The following CPS1 variants were observed in gnomAD, a reference collection of about 807,000 sequenced individuals.
CPS1 encodes carbamoyl-phosphate synthase 1.
Under a neutral mutation model 174.6 loss-of-function variants are expected in CPS1, and 109 were observed. That is an observed-to-expected ratio of 0.62 (90% CI 0.53 to 0.73). The LOEUF is 0.73. CPS1 is among the 30% of genes least tolerant of loss of function. The pLI is 0.00. For synonymous variants in CPS1, 637 were observed against 632.0 expected, an observed-to-expected ratio of 1.01 and a Z score of -0.12; for missense variants, 1,689 against 1,821.9, an observed-to-expected ratio of 0.93 and a Z score of 1.33.
intron 28 of CPS1, among the ~76,000 whole-genome samples, chr2:210,651,579 T>C (rs1700560537): frequency 1.3e-5 from 2 of 152,222 alleles, no homozygotes; most frequent in Non-Finnish European, 2.9e-5. Flanking sequence ...ATGTGAGTGA[T>C]GAGGCAGGTG....
chr2:210,602,358 A>G, intron 16 of CPS1, 28 bp downstream of exon 16: 1 of 1,612,002 alleles, frequency 6.2e-7, no homozygotes, highest in Non-Finnish European at 8.5e-7. Flanking sequence ...CAATATTCTT[A>G]CCAACCAAAA....
chr2:210,529,891 A>G (rs911337916), intron 1 of CPS1, among the ~76,000 whole-genome samples: 12 of 152,014 alleles, frequency 7.9e-5, no homozygotes, highest in Admixed American at 4.6e-4. Context: ...ATATACCCAC[A>G]ATATAATGCT....
chr2:210,549,647 A>G (rs778906991), intron 1 of CPS1, among the ~76,000 whole-genome samples: 1 of 152,068 alleles, frequency 6.6e-6, no homozygotes, highest in African/African-American at 2.4e-5. Flanking sequence ...ACTCAAGAAT[A>G]ATGAGATGAT....
rs142266681 is a variant in CPS1, at chr2:210,674,804, T to C, written c.4102-98T>C. On this transcript the variant is annotated intron_variant, in intron 34 of 37. Transcript: ENST00000233072. ...TTTTAATATAAAGCATCCGGCAACA[T>C]GTAACATTGTCTTTTAAGATGTTGT... 157 of 989,460 alleles carry C rather than the reference T, an allele frequency of 1.6e-4. No homozygotes were observed. In the East Asian group the frequency reaches 2.2e-3, roughly 14 times the overall value. 61.3% of individuals were successfully genotyped at this position (989,460 alleles called of 1,614,324 possible).
At chr2:210,558,154 G>C (rs1242557644) in intron 1 of CPS1, among the ~76,000 whole-genome samples, 1 of 151,996 alleles carries the variant, frequency 6.6e-6, no homozygotes, top group African/African-American at 2.4e-5. Context: ...ATTCTAACAA[G>C]AGTATAGGAA....
intron 1 of CPS1, among the ~76,000 whole-genome samples, chr2:210,526,042 T>C (rs1695964016): frequency 6.6e-6 from 1 of 151,686 alleles, no homozygotes; most frequent in Non-Finnish European, 1.5e-5. Context: ...GGACAAAGTG[T>C]GGTGGGTAAA....
intron 19 of CPS1, 106 bp downstream of exon 19, chr2:210,608,665 A>T: frequency 9.4e-7 from 1 of 1,062,250 alleles, no homozygotes; most frequent in East Asian, 2.4e-5. Flanking sequence ...CAACACATGG[A>T]CAGTGTTAAA....
chr2:210,640,106 A>G (rs1223312224), intron 24 of CPS1, 47 bp downstream of exon 24: 1 of 1,144,980 alleles, frequency 8.7e-7, no homozygotes, highest in South Asian at 1.3e-5. Context: ...CAATTTATAT[A>G]GTTTTCTTCA....
At chr2:210,612,860 C>T (rs931857698) in intron 20 of CPS1, among the ~76,000 whole-genome samples, 29 of 151,922 alleles carry the variant, frequency 1.9e-4, no homozygotes, top group Non-Finnish European at 3.4e-4. Flanking sequence ...CTACATTTCT[C>T]ACTTCCCTCC....
At chr2:210,653,741 C>G (rs1700624661) in intron 28 of CPS1, among the ~76,000 whole-genome samples, 1 of 152,166 alleles carries the variant, frequency 6.6e-6, no homozygotes, top group Non-Finnish European at 1.5e-5. Context: ...CCTTAGTCCC[C>G]TCTTTTCTCT....
intron 1 of CPS1, among the ~76,000 whole-genome samples, chr2:210,523,556 G>A (rs919236395): frequency 1.3e-5 from 2 of 151,920 alleles, no homozygotes; most frequent in East Asian, 1.9e-4. Context: ...CCACGTGGAC[G>A]CATTATTTAG....
intron 34 of CPS1, chr2:210,674,484 C>CAAAAAAAAAAAAA (rs771522432): frequency 1.3e-5 from 1 of 74,808 alleles, no homozygotes; most frequent in Non-Finnish European, 2.8e-5. Context: ...AAAAAAAAAC[C>CAAAAAAAAAAAAA]AAAAAAAAAA....
At chr2:210,639,287 T>A in intron 23 of CPS1, 72 bp downstream of exon 23, 1 of 1,201,292 alleles carries the variant, frequency 8.3e-7, no homozygotes, top group Non-Finnish European at 1.2e-6. Flanking sequence ...GGAATATATA[T>A]TTTTTACCTC....
intron 1 of CPS1, among the ~76,000 whole-genome samples, chr2:210,523,384 G>C (rs770613723): frequency 6.6e-6 from 1 of 151,914 alleles, no homozygotes; most frequent in Non-Finnish European, 1.5e-5. Flanking sequence ...AATGTATTTT[G>C]TATTAATTTT....
At chr2:210,483,399 C>G (rs991905205) in intron 1 of CPS1, among the ~76,000 whole-genome samples, 1 of 152,170 alleles carries the variant, frequency 6.6e-6, no homozygotes, top group Non-Finnish European at 1.5e-5. Context: ...AGTAATACTA[C>G]TACTCATCCC....
In CPS1 at chr2:210,605,125, T is replaced by C. The variant is rs767658438; in HGVS notation, c.1860T>C (p.Ile620=). 2 of 1,611,978 alleles carry C rather than the reference T, an allele frequency of 1.2e-6. No individual in the cohort carries two copies. Among genetic ancestry groups the C allele is most frequent in the South Asian group, 2.2e-5 (2 of 91,048 alleles). Residue 620 remains isoleucine, a synonymous_variant, in exon 17 of 38, where the codon ATT becomes ATC. Transcript: ENST00000233072. ...STKAFAMTNQ[I]LVEKSVTGWK... is the part of the protein sequence containing the mutation. ...AGGCCTTTGCTATGACCAACCAAAT[T>C]CTGGTGGAGAAGTCAGTGACAGGTT...
intron 1 of CPS1, among the ~76,000 whole-genome samples, chr2:210,490,124 C>T (rs77447571): frequency 1.3e-5 from 2 of 152,228 alleles, no homozygotes; most frequent in Non-Finnish European, 2.9e-5. Context: ...CACAGCCTTG[C>T]TTCAGTTGGA....
intron 29 of CPS1, 85 bp from the exon 30 acceptor site, chr2:210,656,440 C>A: frequency 1.1e-6 from 1 of 924,650 alleles, no homozygotes; most frequent in Non-Finnish European, 1.8e-6. Flanking sequence ...TCTGTTAGGA[C>A]CAAAGGGGAG....
intron 32 of CPS1, among the ~76,000 whole-genome samples, chr2:210,662,777 C>G (rs1700965621): frequency 6.6e-6 from 1 of 152,246 alleles, no homozygotes; most frequent in African/African-American, 2.4e-5. Context: ...TGTTTGAACT[C>G]TGTCTGGAGA....
Sources: allele counts gnomAD v4.1 joint callset (sites outside exome capture counted in the v4.1 genomes callset), GRCh38; gene constraint gnomAD v4.1.1; transcripts MANE v1.5; gene names NCBI Gene and HGNC (gene_info 2026-07-23, HGNC 2026-07-21).